The following DCDC2 variants were observed in gnomAD, a reference collection of about 807,000 sequenced individuals.
DCDC2 encodes doublecortin domain-containing protein 2.
In DCDC2, 40 loss-of-function variants were observed where a neutral mutation model predicts 50.2. That is an observed-to-expected ratio of 0.80 (90% CI 0.62 to 1.04). The LOEUF is 1.04. Among genes scored for constraint, DCDC2 ranks in the 50% least tolerant of loss-of-function variants. The pLI is 0.00. For synonymous variants in DCDC2, 234 were observed against 210.6 expected (o/e 1.11, Z -0.96); for missense variants, 570 against 581.9 (o/e 0.98, Z 0.21).
chr6:24,267,295 G>C (rs1484807573), intron 7 of DCDC2, among the ~76,000 whole-genome samples: 2 of 152,080 alleles, frequency 1.3e-5, no homozygotes, highest in Non-Finnish European at 2.9e-5. Flanking sequence ...ATAACTAAAA[G>C]GGTATAATTG....
chr6:24,257,395 A>G (rs1271589973), intron 7 of DCDC2, among the ~76,000 whole-genome samples: 1 of 150,894 alleles, frequency 6.6e-6, no homozygotes, highest in Non-Finnish European at 1.5e-5. Context: ...CCTGGCTCTC[A>G]AAGAGTTCAC....
rs967900131 is a variant in DCDC2 at position 24,291,736 on chromosome 6, C to T, written c.558-658G>A. Among the ~76,000 whole-genome samples, 6 of 152,132 alleles carry T rather than the reference C, an allele frequency of 3.9e-5. No individual in the cohort carries two copies. The South Asian group carries it at 8.3e-4, about 21-fold the overall frequency. On this transcript the variant is annotated intron_variant, in intron 4 of 9. Transcript: ENST00000378454. ...TCCTGACCTCGTGATCCGCCCGCCT[C>T]GGCCTCCCAAAGTGCTGGGATTACA...
rs1561877109 is a variant in DCDC2, at chr6:24,174,714, T to C, written c.*16A>G. The C allele has an allele frequency of 1.3e-6, 2 of 1,573,708 alleles. No individual in the cohort carries two copies. Among genetic ancestry groups the C allele is most frequent in the East Asian group, 4.5e-5 (2 of 44,642 alleles). ...CATTTTTCTTGCGATCCATATACTC[T>C]CTTTTTAAAAATGTTCTAAGCCACG... On this transcript the variant is annotated 3_prime_UTR_variant, in exon 10 of 10. Coordinates refer to ENST00000378454, the MANE Select transcript of DCDC2 (RefSeq NM_016356.5).
rs1760397963 is a variant in DCDC2, at chr6:24,352,893, C to T, written c.348+676G>A. 2.6e-5 allele frequency among the ~76,000 whole-genome samples: 4 copies of T among 152,196 alleles called. 1 individual carries two copies. Among genetic ancestry groups the T allele is most frequent in the Admixed American group, 2.6e-4 (4 of 15,278 alleles). On this transcript the variant is annotated intron_variant, in intron 2 of 9. Transcript: ENST00000378454. ...TGGATCTAACTACAATTTTCCCTGT[C>T]TCAGGCTGTGGCCCCAACTTTGTTT...
Position 24,178,404 on chromosome 6 carries a change from G to A in DCDC2, c.1252C>T (p.Gln418Ter), listed in dbSNP as rs1294347330. The A allele has an allele frequency of 2.5e-6, 4 of 1,614,114 alleles. No individual in the cohort carries two copies. The Admixed American group carries it at 5.0e-5, about 20-fold the overall frequency. Residue 418 changes from glutamine (Q) to a stop codon, truncating the protein, a stop_gained, in exon 9 of 10, where the codon CAG (glutamine) becomes TAG (stop). Coordinates refer to ENST00000378454, the MANE Select transcript of DCDC2 (RefSeq NM_016356.5). LOFTEE classifies it high-confidence loss of function. Reference sequence around the variant, plus strand: ...ACCAGTTGAAGCTCATTATTAACCTGCTGCAGCTCCTCACCATTCTCCTCA... The same window carrying A: ...ACCAGTTGAAGCTCATTATTAACCTACTGCAGCTCCTCACCATTCTCCTCA... ...TDEENGEELQ[Q>*]VNNELQLVLD...
intron 8 of DCDC2, among the ~76,000 whole-genome samples, chr6:24,203,941 C>CCAT (rs1761647338): frequency 6.6e-6 from 1 of 152,158 alleles, no homozygotes; most frequent in African/African-American, 2.4e-5. Flanking sequence ...CAATGCGATA[C>CCAT]CATCTCATGC....
At chr6:24,279,692 G>A (rs1335865336) in intron 6 of DCDC2, among the ~76,000 whole-genome samples, 1 of 152,208 alleles carries the variant, frequency 6.6e-6, no homozygotes, top group Non-Finnish European at 1.5e-5. Flanking sequence ...AGAGGCTGCA[G>A]GTAGTGGAAA....
At chr6:24,268,138 A>G (rs1763164408) in intron 7 of DCDC2, among the ~76,000 whole-genome samples, 1 of 152,184 alleles carries the variant, frequency 6.6e-6, no homozygotes, top group South Asian at 2.1e-4. Flanking sequence ...ATCATCCAAC[A>G]TTTCCCAAAT....
At chr6:24,240,222 ATTTG>A (rs1479545531) in intron 7 of DCDC2, among the ~76,000 whole-genome samples, 1 of 152,206 alleles carries the variant, frequency 6.6e-6, no homozygotes, top group Non-Finnish European at 1.5e-5. Context: ...AGCCCTGATT[ATTTG>A]TTAGATTAGT....
chr6:24,229,056 C>T (rs1053670741), intron 7 of DCDC2, among the ~76,000 whole-genome samples: 1 of 152,214 alleles, frequency 6.6e-6, no homozygotes, highest in African/African-American at 2.4e-5. Flanking sequence ...CAGGTCTCCC[C>T]TTGCTCTTTC....
At chr6:24,261,555 C>T (rs1189848811) in intron 7 of DCDC2, among the ~76,000 whole-genome samples, 1 of 152,160 alleles carries the variant, frequency 6.6e-6, no homozygotes, top group Non-Finnish European at 1.5e-5. Flanking sequence ...TTTCCTTGAT[C>T]CTGCATGGGA....
chr6:24,375,284 G>A, the DCDC2 span, among the ~76,000 whole-genome samples: 2 of 152,076 alleles, frequency 1.3e-5, no homozygotes, highest in South Asian at 2.1e-4. Flanking sequence ...TTCGGGATGC[G>A]GCTGTGTCCC....
rs766744897 is a variant in DCDC2, at chr6:24,181,670, G to A, written c.1024-3038C>T. Reference sequence around the variant, plus strand: ...TGAAAAATACAAAACATTGCCAAAAGAAAATTTAAAAGACATAAATAAATG... The same window carrying A: ...TGAAAAATACAAAACATTGCCAAAAAAAAATTTAAAAGACATAAATAAATG... On this transcript the variant is annotated intron_variant, in intron 8 of 9. Transcript: ENST00000378454. Among the ~76,000 whole-genome samples, 18 of 152,094 alleles carry A rather than the reference G, an allele frequency of 1.2e-4. 1 individual carries two copies. The highest frequency in any genetic ancestry group is 1.5e-5 in the Non-Finnish European group (1 of 68,008).
chr6:24,281,347 T>C (rs1462039632), intron 6 of DCDC2, among the ~76,000 whole-genome samples: 1 of 151,028 alleles, frequency 6.6e-6, no homozygotes, highest in Non-Finnish European at 1.5e-5. Flanking sequence ...TGAAATGCTT[T>C]TTTTTTTTTT....
At chr6:24,315,788 T>C (rs569671824) in intron 2 of DCDC2, among the ~76,000 whole-genome samples, 4 of 152,134 alleles carry the variant, frequency 2.6e-5, no homozygotes, top group Non-Finnish European at 4.4e-5. Flanking sequence ...TAAGCATAAT[T>C]AGACTCCACT....
At chr6:24,233,804 G>T (rs939146433) in intron 7 of DCDC2, among the ~76,000 whole-genome samples, 1 of 152,164 alleles carries the variant, frequency 6.6e-6, no homozygotes, top group Admixed American at 6.5e-5. Context: ...ATAATGGCTA[G>T]CAGACTCACT....
rs1224430741 is a variant in DCDC2 at position 24,176,535 on chromosome 6, AATG to A, written c.1327-1704_1327-1702del. Among the ~76,000 whole-genome samples, 7 of 152,324 alleles carry A rather than the reference AATG, an allele frequency of 4.6e-5. No individual in the cohort carries two copies. The East Asian group carries it at 9.6e-4, about 21-fold the overall frequency. On this transcript the variant is annotated intron_variant, in intron 9 of 9. Coordinates refer to ENST00000378454, the MANE Select transcript of DCDC2 (RefSeq NM_016356.5). Reference sequence around the variant, plus strand: ...AAAATTGTATGTTTATAGCATACAAAATGATGTTTTGAAATATGTATCCATTGT... The same window carrying A: ...AAAATTGTATGTTTATAGCATACAAAATGTTTTGAAATATGTATCCATTGT...
rs1760895068 is a variant in DCDC2 at position 24,175,765 on chromosome 6, T to A, written c.1327-931A>T. ...AAGAATTGTTACATGGAACAAAATGTTACACGGTGAACAGAATTTCTAGTC... is the reference window on the plus strand; with the variant it reads ...AAGAATTGTTACATGGAACAAAATGATACACGGTGAACAGAATTTCTAGTC... On this transcript the variant is annotated intron_variant, in intron 9 of 9. Transcript: ENST00000378454. Among the ~76,000 whole-genome samples the A allele has an allele frequency of 3.3e-5, 5 of 152,320 alleles. No homozygotes were observed. In the South Asian group the frequency reaches 1.0e-3, roughly 32 times the overall value.
intron 8 of DCDC2, among the ~76,000 whole-genome samples, chr6:24,179,236 T>C (rs1007708804): frequency 6.6e-6 from 1 of 152,100 alleles, no homozygotes; most frequent in Non-Finnish European, 1.5e-5. Flanking sequence ...AGAAACTATA[T>C]GTCCTCTCTG....
Sources: allele counts gnomAD v4.1 joint callset (sites outside exome capture counted in the v4.1 genomes callset), GRCh38; gene constraint gnomAD v4.1.1; transcripts MANE v1.5; gene names NCBI Gene and HGNC (gene_info 2026-07-23, HGNC 2026-07-21).